ARID1B: variants seen among roughly 807,000 people sequenced by gnomAD.
ARID1B encodes AT-rich interaction domain 1B.
In ARID1B, 30 loss-of-function variants were observed where a neutral mutation model predicts 212.3. The ratio of observed to expected loss-of-function variants is 0.14; its 90% CI spans 0.11 to 0.19. The LOEUF is 0.19. ARID1B is among the 10% of genes least tolerant of loss of function. ARID1B has a pLI of 1.00. For synonymous variants in ARID1B, 1,402 were observed against 1,301.7 expected, an observed-to-expected ratio of 1.08 and a Z score of -1.66; for missense variants, 2,891 against 3,204.0, an observed-to-expected ratio of 0.90 and a Z score of 2.36.
chr6:157,099,887 T>C (rs974381856), intron 5 of ARID1B, among the ~76,000 whole-genome samples: 2 of 152,240 alleles, frequency 1.3e-5, no homozygotes, highest in African/African-American at 4.8e-5. Flanking sequence ...GAATTGGAAG[T>C]ATCCTTATTC....
At chr6:156,837,630 C>T (rs1783602929) in intron 2 of ARID1B, among the ~76,000 whole-genome samples, 1 of 152,102 alleles carries the variant, frequency 6.6e-6, no homozygotes, top group African/African-American at 2.4e-5. Flanking sequence ...TTTATTAAAG[C>T]TATTTGCCCT....
intron 4 of ARID1B, among the ~76,000 whole-genome samples, chr6:156,956,008 G>A (rs566063233): frequency 7.9e-5 from 12 of 152,198 alleles, no homozygotes; most frequent in East Asian, 3.9e-4. Context: ...CTTGACAGCC[G>A]TCCAGGACTG....
At chr6:156,801,254 G>A (rs1317138316) in intron 1 of ARID1B, among the ~76,000 whole-genome samples, 1 of 144,204 alleles carries the variant, frequency 6.9e-6, no homozygotes, top group Non-Finnish European at 1.5e-5. Context: ...ACTCTGGAGT[G>A]CAGTGGTGCA....
At chr6:156,986,518 C>G (rs1392443979) in intron 4 of ARID1B, among the ~76,000 whole-genome samples, 1 of 152,202 alleles carries the variant, frequency 6.6e-6, no homozygotes, top group East Asian at 1.9e-4. Context: ...GGCTCTGTCA[C>G]TCGGTCAGCT....
rs2115004105 is a variant in ARID1B at position 156,779,377 on chromosome 6, A to C, written c.1697A>C (p.Tyr566Ser). 1 of 1,372,120 alleles carries C rather than the reference A, an allele frequency of 7.3e-7. No individual in the cohort carries two copies. Among genetic ancestry groups the C allele is most frequent in the Non-Finnish European group, 9.5e-7 (1 of 1,056,108 alleles). The allele number at this position is 1,372,120 out of a possible 1,614,324, so 85.0% of individuals were successfully genotyped here. A position where few individuals can be genotyped will look rare whatever the true frequency, so the allele number is the denominator to read the frequency against. The change falls in exon 1 of 20, where the codon TAC becomes TCC. Residue 566 changes from tyrosine to serine, a missense_variant. Coordinates refer to ENST00000636930, the MANE Select transcript of ARID1B (RefSeq NM_001374828.1). ...TTGGGCAAGGACATGGGCGCCCAGT[A>C]CGCCGCTGCCAGCCCGGCCTGGGCG... ...MGLGKDMGAQ[Y>S]AAASPAWAAA...
chr6:157,017,552 T>G (rs994125953), intron 4 of ARID1B, among the ~76,000 whole-genome samples: 10 of 152,234 alleles, frequency 6.6e-5, no homozygotes, highest in Admixed American at 6.5e-5. Flanking sequence ...AGTTAGCATC[T>G]TTCTTTAGGA....
intron 4 of ARID1B, among the ~76,000 whole-genome samples, chr6:156,956,644 G>C (rs1009566740): frequency 2.0e-5 from 3 of 152,104 alleles, no homozygotes; most frequent in South Asian, 2.1e-4. Context: ...AGTGTATTTT[G>C]CATCTCCCTC....
In ARID1B at chr6:157,021,252, C is replaced by G. The variant is rs1361899141; in HGVS notation, c.2248-63410C>G. Among the ~76,000 whole-genome samples, 3 of 152,256 alleles carry G rather than the reference C, an allele frequency of 2.0e-5. No homozygotes were observed. The East Asian group carries it at 5.8e-4, about 29-fold the overall frequency. Reference sequence around the variant, plus strand: ...TCTTTTGTTTTATTCAAGCCCCGGCCCCGCGGTACAGCGGGGAGACTCGCC... The same window carrying G: ...TCTTTTGTTTTATTCAAGCCCCGGCGCCGCGGTACAGCGGGGAGACTCGCC... On this transcript the variant is annotated intron_variant, in intron 4 of 19. Transcript: ENST00000636930.
chr6:157,072,917 G>T (rs1001386033), intron 4 of ARID1B, among the ~76,000 whole-genome samples: 1 of 152,092 alleles, frequency 6.6e-6, no homozygotes, highest in Admixed American at 6.6e-5. Flanking sequence ...ACCTGGGCTG[G>T]TTCCCTTCTC....
intron 4 of ARID1B, among the ~76,000 whole-genome samples, chr6:157,061,116 T>A (rs1297293807): frequency 6.6e-6 from 1 of 152,184 alleles, no homozygotes; most frequent in Non-Finnish European, 1.5e-5. Flanking sequence ...ACAATCTTTT[T>A]TTCCTGTCAA....
chr6:157,109,241 C>T (rs550645214), intron 5 of ARID1B, among the ~76,000 whole-genome samples: 2 of 152,190 alleles, frequency 1.3e-5, no homozygotes, highest in South Asian at 4.2e-4. Context: ...TGTGCCCTGA[C>T]CTTCACGGGG....
chr6:157,091,108 G>A (rs181335880), intron 5 of ARID1B, among the ~76,000 whole-genome samples: 1 of 152,156 alleles, frequency 6.6e-6, no homozygotes, highest in Non-Finnish European at 1.5e-5. Flanking sequence ...AAATCGCTTG[G>A]TCAGAGCTCG....
chr6:157,052,196 ATATG>A (rs1782654403), intron 4 of ARID1B, among the ~76,000 whole-genome samples: 1 of 152,228 alleles, frequency 6.6e-6, no homozygotes, highest in Non-Finnish European at 1.5e-5. Flanking sequence ...ATTTATATAT[ATATG>A]TAGTAAAATG....
chr6:157,044,310 G>A (rs1477919529), intron 4 of ARID1B, among the ~76,000 whole-genome samples: 1 of 150,850 alleles, frequency 6.6e-6, no homozygotes, highest in Non-Finnish European at 1.5e-5. Flanking sequence ...TGGAAAATGT[G>A]TAGCCTGAGG....
In ARID1B at chr6:157,209,697, A is replaced by G; in HGVS notation, c.*1806A>G. 1 of 233,240 alleles carries G rather than the reference A, an allele frequency of 4.3e-6. No homozygotes were observed. Among genetic ancestry groups the G allele is most frequent in the Non-Finnish European group, 8.5e-6 (1 of 118,036 alleles). 14.4% of individuals were successfully genotyped at this position (233,240 alleles called of 1,614,324 possible). Reference sequence around the variant, plus strand: ...GTTTACTCCACCGTGTATAATATTTATACTGTGCAATGTTAAAAAAGAATC... The same window carrying G: ...GTTTACTCCACCGTGTATAATATTTGTACTGTGCAATGTTAAAAAAGAATC... On this transcript the variant is annotated 3_prime_UTR_variant, in exon 20 of 20. Transcript: ENST00000636930.
intron 14 of ARID1B, 94 bp downstream of exon 14, chr6:157,189,874 C>A (rs1373745303): frequency 1.2e-5 from 19 of 1,582,920 alleles, no homozygotes; most frequent in Non-Finnish European, 1.5e-5. Context: ...AAATGGTATT[C>A]CCTAGAGAGT....
At position 157,149,078 on chromosome 6, in the gene ARID1B, G is replaced by A. The variant is rs1387632426; in HGVS notation, c.3089+127G>A. On this transcript the variant is annotated intron_variant, in intron 8 of 19. Coordinates refer to ENST00000636930, the MANE Select transcript of ARID1B (RefSeq NM_001374828.1). ...CAGTAGAATGTCACTGTGCTTGGCC[G>A]TTCTTTTTGTGTTAAATATATTCTG... 69 of 967,312 alleles carry A rather than the reference G, an allele frequency of 7.1e-5. 2 individuals are homozygous for A. In the Admixed American group the frequency reaches 8.3e-4, roughly 12 times the overall value. 59.9% of individuals were successfully genotyped at this position (967,312 alleles called of 1,614,324 possible).
chr6:156,984,361 T>A (rs1158544217), intron 4 of ARID1B, among the ~76,000 whole-genome samples: 1 of 152,190 alleles, frequency 6.6e-6, no homozygotes, highest in Non-Finnish European at 1.5e-5. Context: ...TTTCAGATCC[T>A]TCCTTCTGCC....
chr6:157,040,003 T>G (rs4501442), intron 4 of ARID1B, among the ~76,000 whole-genome samples: 91,530 of 150,298 alleles, frequency 0.61, 29,025 homozygotes, highest in African/African-American at 0.79. Context: ...AGGCTAGAGT[T>G]CAGTGGTGCG....
Sources: gnomAD v4.1 joint callset for allele counts (sites outside exome capture counted in the v4.1 genomes callset) on GRCh38, gnomAD v4.1.1 for gene constraint, MANE v1.5 for transcripts, NCBI Gene and HGNC (gene_info 2026-07-23, HGNC 2026-07-21) for gene names.